Variants in GTF3C2 observed in about 807,000 individuals in gnomAD.
The protein encoded by GTF3C2 is general transcription factor 3C polypeptide 2.
In GTF3C2, 17 loss-of-function variants were observed where a neutral mutation model predicts 117.4. That is an observed-to-expected ratio of 0.14 (90% CI 0.10 to 0.22). GTF3C2 has a LOEUF of 0.22. GTF3C2 is among the 10% of genes least tolerant of loss of function. The probability of loss-of-function intolerance (pLI) is 1.00; values close to 1 mark genes in which losing one functional copy is unlikely to be tolerated. For missense variants in GTF3C2, 888 were observed against 1,143.6 expected, an observed-to-expected ratio of 0.78 and a Z score of 3.22; for synonymous variants, 437 against 427.0, an observed-to-expected ratio of 1.02 and a Z score of -0.29.
chr2:27,343,236 T>C (rs1198915159), intron 2 of GTF3C2, 72 bp downstream of exon 2: 11 of 1,549,980 alleles, frequency 7.1e-6, no homozygotes, highest in Admixed American at 1.8e-5. Flanking sequence ...TGTAAGATCC[T>C]ATGAGCTCAA....
At chr2:27,335,962 C>T (rs1680457170) in exon 9 of GTF3C2, 2 of 1,614,006 alleles carry the variant, frequency 1.2e-6, no homozygotes, top group East Asian at 4.5e-5. Context: ...TGGGGCAGAA[C>T]TTGAGGTCCC....
At chr2:27,335,178 C>A (rs1297262846) in intron 10 of GTF3C2, 2 of 452,620 alleles carry the variant, frequency 4.4e-6, no homozygotes, top group Admixed American at 2.5e-5. Flanking sequence ...CTATTCCATC[C>A]CTCTCTTCAG....
At chr2:27,327,078 G>A (rs1680100840) in intron 18 of GTF3C2, 99 bp downstream of exon 18, 1 of 711,406 alleles carries the variant, frequency 1.4e-6, no homozygotes, top group African/African-American at 1.8e-5. Context: ...AGGAGGAGGA[G>A]GTTGTCATCT....
chr2:27,335,012 C>G (rs1379647908), intron 10 of GTF3C2, among the ~76,000 whole-genome samples: 4 of 152,106 alleles, frequency 2.6e-5, no homozygotes, highest in Non-Finnish European at 4.4e-5. Flanking sequence ...CTATTACCTC[C>G]TCAACCCACT....
intron 12 of GTF3C2, among the ~76,000 whole-genome samples, chr2:27,333,215 C>T (rs1480027409): frequency 1.4e-5 from 2 of 142,790 alleles, no homozygotes; most frequent in Non-Finnish European, 3.0e-5. Context: ...GGCTGGAGTG[C>T]AGGGGTGTGA....
chr2:27,341,768 A>G (rs1467915817), intron 4 of GTF3C2, 180 bp downstream of exon 4: 6 of 593,414 alleles, frequency 1.0e-5, no homozygotes, highest in Non-Finnish European at 1.8e-5. Flanking sequence ...CTTGTTTACC[A>G]TACCCCTTCT....
In GTF3C2 at chr2:27,329,063, C is replaced by G; in HGVS notation, c.2039+58G>C. On this transcript the variant is annotated intron_variant, in intron 14 of 18. Coordinates refer to ENST00000264720, the Ensembl canonical transcript of GTF3C2. The surrounding 1 kb of genome is among the most constrained non-coding windows in gnomAD (Gnocchi z 4.5). The stretch of plus-strand genomic sequence containing the variant: ...CCTCTCCCCACAACAATCTGGCATG[C>G]TTTGCATTCCAACCCTTAGGGCCTG... 1 of 1,581,156 alleles carries G rather than the reference C, an allele frequency of 6.3e-7. No homozygotes were observed. Among genetic ancestry groups the G allele is most frequent in the Non-Finnish European group, 8.7e-7 (1 of 1,150,718 alleles).
In GTF3C2 at chr2:27,342,557, T is replaced by C. The variant is rs1242723242; in HGVS notation, c.569+269A>G. 13 of 555,218 alleles carry C rather than the reference T, an allele frequency of 2.3e-5. No individual in the cohort carries two copies. In the Admixed American group the frequency reaches 3.6e-4, roughly 15 times the overall value. The allele number at this position is 555,218 out of a possible 1,614,324, so 34.4% of individuals were successfully genotyped here. On this transcript the variant is annotated intron_variant, in intron 3 of 18. Transcript: ENST00000264720. ...ACAGAATATATATACTGACATATACTGGACAGTAAAACAATAAAGAGCTGG... is the reference window on the plus strand; with the variant it reads ...ACAGAATATATATACTGACATATACCGGACAGTAAAACAATAAAGAGCTGG...
chr2:27,332,710 G>A (rs565347120), intron 12 of GTF3C2, among the ~76,000 whole-genome samples: 281 of 151,514 alleles, frequency 1.9e-3, no homozygotes, highest in African/African-American at 6.7e-3. Context: ...CACCGTGCCC[G>A]GCCTAAAAAT....
Position 27,329,761 on chromosome 2 carries a change from T to C in GTF3C2, c.1733-238A>G, listed in dbSNP as rs561875221. On this transcript the variant is annotated intron_variant, in intron 12 of 18. Coordinates refer to ENST00000264720, the Ensembl canonical transcript of GTF3C2. The surrounding 1 kb of genome is among the most constrained non-coding windows in gnomAD (Gnocchi z 4.5). The stretch of plus-strand genomic sequence containing the variant: ...TAATAGCTTTGTCTGGAATCTACAG[T>C]TGAAAAATGATAGGGTGAACACACC... Among the ~76,000 whole-genome samples the C allele has an allele frequency of 5.3e-5, 8 of 152,226 alleles. No individual in the cohort carries two copies. The South Asian group carries it at 1.0e-3, about 20-fold the overall frequency.
chr2:27,349,476 T>C (rs1681048470), intron 1 of GTF3C2, among the ~76,000 whole-genome samples: 1 of 152,006 alleles, frequency 6.6e-6, no homozygotes, highest in African/African-American at 2.4e-5. Flanking sequence ...CAAATAACTA[T>C]ATGCTTTTCA....
chr2:27,336,543 AAC>A, intron 7 of GTF3C2, 118 bp from the exon 8 acceptor site: 1 of 633,618 alleles, frequency 1.6e-6, no homozygotes, highest in South Asian at 2.0e-5. Context: ...GAATATCAAA[AAC>A]AGTTTACAAG....
At chr2:27,345,770 G>C in intron 1 of GTF3C2, among the ~76,000 whole-genome samples, 1 of 148,656 alleles carries the variant, frequency 6.7e-6, no homozygotes, top group Non-Finnish European at 1.5e-5. Context: ...CTGGAGTGCA[G>C]TGGCGTGATG....
chr2:27,350,879 GC>G (rs948397302), intron 1 of GTF3C2, among the ~76,000 whole-genome samples: 76 of 151,032 alleles, frequency 5.0e-4, no homozygotes, highest in African/African-American at 1.7e-3. Flanking sequence ...AATACAGGAG[GC>G]AGAGTTTGCA....
chr2:27,337,861 A>C, intron 5 of GTF3C2, 65 bp downstream of exon 5: 145 of 927,770 alleles, frequency 1.6e-4, no homozygotes, highest in Non-Finnish European at 2.4e-4. Context: ...GCCCCACTTC[A>C]ATACCGCCCT....
chr2:27,342,346 A>T (rs1311170606), intron 3 of GTF3C2, 113 bp from the exon 4 acceptor site: 5 of 793,246 alleles, frequency 6.3e-6, no homozygotes, highest in African/African-American at 1.7e-5. Flanking sequence ...ATGATTAACC[A>T]ATTAACTCTA....
At chr2:27,328,239 A>G in intron 16 of GTF3C2, 50 bp from the exon 17 acceptor site, 1 of 1,416,974 alleles carries the variant, frequency 7.1e-7, no homozygotes, top group Non-Finnish European at 9.7e-7. Context: ...AGACAGAATA[A>G]AAGCAGAGGA....
intron 4 of GTF3C2, among the ~76,000 whole-genome samples, chr2:27,339,424 A>AAG (rs1553389218): frequency 9.5e-5 from 14 of 146,984 alleles, no homozygotes; most frequent in Non-Finnish European, 1.5e-4. Context: ...AAAAAAAAAA[A>AAG]AAAGAAAAAA....
At chr2:27,352,910 A>G (rs1202511685) in intron 1 of GTF3C2, among the ~76,000 whole-genome samples, 1 of 152,218 alleles carries the variant, frequency 6.6e-6, no homozygotes, top group Non-Finnish European at 1.5e-5. Flanking sequence ...AACGAGCAGT[A>G]AAATTCCACA....
Sources: gnomAD v4.1 joint callset for allele counts (sites outside exome capture counted in the v4.1 genomes callset) on GRCh38, gnomAD v4.1.1 for gene constraint, Gnocchi (gnomAD v3.1) non-coding constraint, MANE v1.5 for transcripts, NCBI Gene and HGNC (gene_info 2026-07-23, HGNC 2026-07-21) for gene names.